TSPAN14: variants seen among roughly 807,000 people sequenced by gnomAD.
TSPAN14 encodes the protein tetraspanin-14.
A neutral mutation model predicts 36.6 loss-of-function variants in TSPAN14; 16 were observed. That is an observed-to-expected ratio of 0.44 (90% confidence interval 0.30 to 0.66). The LOEUF is 0.66. TSPAN14 is among the 30% of genes least tolerant of loss of function. The pLI, the probability that TSPAN14 is intolerant of heterozygous loss-of-function variation, is 0.12. For synonymous variants in TSPAN14, 139 were observed against 143.8 expected, an observed-to-expected ratio of 0.97 and a Z score of 0.24; for missense variants, 231 against 355.1, an observed-to-expected ratio of 0.65 and a Z score of 2.81.
At chr10:80,472,977 C>T (rs1465563299) in intron 1 of TSPAN14, among the ~76,000 whole-genome samples, 4 of 152,192 alleles carry the variant, frequency 2.6e-5, no homozygotes, top group Non-Finnish European at 4.4e-5. Flanking sequence ...AGCATGGCGT[C>T]AGTCACAGTA....
At chr10:80,467,362 A>T (rs1239155141) in intron 1 of TSPAN14, among the ~76,000 whole-genome samples, 1 of 152,168 alleles carries the variant, frequency 6.6e-6, no homozygotes, top group Non-Finnish European at 1.5e-5. Context: ...CAAGACTGGG[A>T]AAGTCACCAT....
At position 80,509,429 on chromosome 10, in the gene TSPAN14, C is replaced by T. The variant is rs116583360; in HGVS notation, c.408C>T (p.Asp136=). 2,328 of 1,614,074 alleles carry T rather than the reference C, an allele frequency of 1.4e-3. 5 individuals carry two copies. The highest frequency in any genetic ancestry group is 0.011 in the African/African-American group (851 of 75,016). The change falls in exon 5 of 9, where the codon GAC becomes GAT. Residue 136 remains aspartate (D), a synonymous_variant. Transcript: ENST00000429989. The surrounding 1 kb of genome is among the most constrained non-coding windows in gnomAD (Gnocchi z 4.7). Reference sequence around the variant, plus strand: ...AGAGCAACATCAAGTCCTACCGGGACGATATCGATCTGCAAAACCTCATCG... The same window carrying T: ...AGAGCAACATCAAGTCCTACCGGGATGATATCGATCTGCAAAACCTCATCG...
intron 2 of TSPAN14, among the ~76,000 whole-genome samples, chr10:80,498,414 C>T (rs1222759449): frequency 6.6e-6 from 1 of 152,184 alleles, no homozygotes; most frequent in Non-Finnish European, 1.5e-5. Context: ...AGCTGAGACT[C>T]AGTCCTGGCT....
At chr10:80,498,711 G>A (rs1216381630) in intron 2 of TSPAN14, among the ~76,000 whole-genome samples, 6 of 152,224 alleles carry the variant, frequency 3.9e-5, no homozygotes, top group South Asian at 4.1e-4. Flanking sequence ...TCTGCCGTGC[G>A]GGAGGGCATG....
rs901498972 is a variant in TSPAN14, at chr10:80,476,349, G to A, written c.-17-12868G>A. The stretch of plus-strand genomic sequence containing the variant: ...TGCGCCATTGCACTTGAGCCTAGGC[G>A]ACAGAGCAAGACCCTGTCTCAAAAA... On this transcript the variant is annotated intron_variant, in intron 1 of 8. Coordinates refer to ENST00000429989, the Ensembl canonical transcript of TSPAN14. Among the ~76,000 whole-genome samples, 10 of 151,746 alleles carry A rather than the reference G, an allele frequency of 6.6e-5. No individual in the cohort carries two copies. In the East Asian group the frequency reaches 9.7e-4, roughly 15 times the overall value.
intron 1 of TSPAN14, among the ~76,000 whole-genome samples, chr10:80,473,149 G>A (rs1846652307): frequency 6.6e-6 from 1 of 152,148 alleles, no homozygotes; most frequent in Non-Finnish European, 1.5e-5. Context: ...TAGTAAGCTT[G>A]GAAGTCACTG....
chr10:80,515,419 C>T (rs977062583), intron 7 of TSPAN14: 3 of 152,344 alleles, frequency 2.0e-5, no homozygotes, highest in East Asian at 1.9e-4. Flanking sequence ...TAGCAGGATG[C>T]TCTTCATATT....
In TSPAN14 at chr10:80,509,330, CCTGGAGCTGGCT is replaced by C; in HGVS notation, c.310_321del (p.Leu104_Ala107del). 1 of 1,614,074 alleles carries C rather than the reference CCTGGAGCTGGCT, an allele frequency of 6.2e-7. No homozygotes were observed. Among genetic ancestry groups the C allele is most frequent in the Non-Finnish European group, 8.5e-7 (1 of 1,179,990 alleles). ...GTGGCACCATCGTGCTCATCTTCTT[CCTGGAGCTGGCT>C]GTGGCCGTGCTGGCCTTCCTGTTCC... On this transcript the variant is annotated inframe_deletion, in exon 5 of 9. Coordinates refer to ENST00000429989, the Ensembl canonical transcript of TSPAN14. The surrounding 1 kb of genome is among the most constrained non-coding windows in gnomAD (Gnocchi z 4.7).
intron 1 of TSPAN14, among the ~76,000 whole-genome samples, chr10:80,482,969 A>C (rs554772502): frequency 1.3e-5 from 2 of 152,094 alleles, no homozygotes; most frequent in African/African-American, 4.8e-5. Context: ...TCCTGACCTC[A>C]GGTGATCCAC....
chr10:80,520,417 A>C (rs927831567), exon 9 of TSPAN14: 3 of 414,502 alleles, frequency 7.2e-6, no homozygotes, highest in Non-Finnish European at 1.4e-5. Context: ...GGCTGTCCGC[A>C]CAGAGGCACA....
At chr10:80,511,555 G>T (rs1010845543) in intron 5 of TSPAN14, among the ~76,000 whole-genome samples, 1 of 152,168 alleles carries the variant, frequency 6.6e-6, no homozygotes, top group African/African-American at 2.4e-5. Context: ...CTGCTAAGGA[G>T]GGCCAGGGCT....
intron 3 of TSPAN14, among the ~76,000 whole-genome samples, chr10:80,506,871 C>G (rs573563139): frequency 7.2e-5 from 11 of 152,332 alleles, no homozygotes; most frequent in African/African-American, 2.2e-4. Flanking sequence ...AATTGGGGGA[C>G]TAACAAGGTC....
exon 9 of TSPAN14, chr10:80,520,483 T>G (rs1240727696): frequency 2.2e-6 from 1 of 455,592 alleles, no homozygotes; most frequent in African/African-American, 2.0e-5. Flanking sequence ...AATCCCCGCC[T>G]TCCCTGGTTG....
intron 1 of TSPAN14, among the ~76,000 whole-genome samples, chr10:80,456,092 G>A (rs1845723419): frequency 6.6e-6 from 1 of 152,214 alleles, no homozygotes; most frequent in African/African-American, 2.4e-5. Flanking sequence ...TCTGTGGGGT[G>A]CGAGGCATTG....
intron 1 of TSPAN14, among the ~76,000 whole-genome samples, chr10:80,480,051 A>C (rs1408580495): frequency 6.8e-6 from 1 of 147,942 alleles, no homozygotes; most frequent in Non-Finnish European, 1.5e-5. Flanking sequence ...TTCTCTTTGA[A>C]GCAATTGTGA....
chr10:80,473,785 C>A (rs1370414064), intron 1 of TSPAN14, among the ~76,000 whole-genome samples: 1 of 150,822 alleles, frequency 6.6e-6, no homozygotes, highest in Non-Finnish European at 1.5e-5. Flanking sequence ...TTTCTGGTGG[C>A]CCCTGGATTT....
At chr10:80,457,173 A>G (rs1294721283) in intron 1 of TSPAN14, among the ~76,000 whole-genome samples, 1 of 151,984 alleles carries the variant, frequency 6.6e-6, no homozygotes, top group Non-Finnish European at 1.5e-5. Flanking sequence ...AAGTCTCAAT[A>G]TGAGCTGGGT....
At chr10:80,486,745 A>C (rs1847624908) in intron 1 of TSPAN14, among the ~76,000 whole-genome samples, 1 of 152,188 alleles carries the variant, frequency 6.6e-6, no homozygotes, top group Admixed American at 6.5e-5. Context: ...TAGAGTTTCT[A>C]CCGCTTAGAA....
At chr10:80,459,871 A>G (rs1194549914) in intron 1 of TSPAN14, among the ~76,000 whole-genome samples, 1 of 152,136 alleles carries the variant, frequency 6.6e-6, no homozygotes, top group African/African-American at 2.4e-5. Context: ...CTGGGTGCCC[A>G]CCAGCTGTGC....
Sources: gnomAD v4.1 joint callset for allele counts (sites outside exome capture counted in the v4.1 genomes callset) on GRCh38, gnomAD v4.1.1 for gene constraint, Gnocchi (gnomAD v3.1) non-coding constraint, MANE v1.5 for transcripts, NCBI Gene and HGNC (gene_info 2026-07-23, HGNC 2026-07-21) for gene names.